The following ROBO2 variants were observed in gnomAD, a reference collection of about 807,000 sequenced individuals.
ROBO2 encodes roundabout guidance receptor 2.
A neutral mutation model predicts 160.8 loss-of-function variants in ROBO2; 53 were observed. The observed-to-expected ratio is 0.33, with a 90% CI of 0.26 to 0.41. The LOEUF is 0.41. Ranked by LOEUF, ROBO2 falls within the 10% of genes least tolerant of loss-of-function variation. The pLI is 1.00. For missense variants in ROBO2, 1,577 were observed against 1,722.4 expected, an observed-to-expected ratio of 0.92 and a Z score of 1.49; for synonymous variants, 664 against 611.7, an observed-to-expected ratio of 1.09 and a Z score of -1.26.
chr3:77,593,538 AT>A (rs2153686528), intron 17 of ROBO2, among the ~76,000 whole-genome samples: 1 of 152,324 alleles, frequency 6.6e-6, no homozygotes, highest in East Asian at 1.9e-4. Flanking sequence ...GATATTACAC[AT>A]AAAATTGATA....
At chr3:76,820,697 T>C (rs1576838932) in intron 2 of ROBO2, among the ~76,000 whole-genome samples, 1 of 151,730 alleles carries the variant, frequency 6.6e-6, no homozygotes, top group Non-Finnish European at 1.5e-5. Flanking sequence ...TTAAGTAGGG[T>C]TTTTTGAGGT....
chr3:76,271,328 A>G (rs1707419509), intron 2 of ROBO2, among the ~76,000 whole-genome samples: 1 of 151,918 alleles, frequency 6.6e-6, no homozygotes, highest in African/African-American at 2.4e-5. Flanking sequence ...AATTTTAACA[A>G]CTGTTCCTTG....
intron 2 of ROBO2, among the ~76,000 whole-genome samples, chr3:77,314,231 G>A (rs1347908797): frequency 6.6e-5 from 10 of 152,024 alleles, no homozygotes; most frequent in East Asian, 3.9e-4. Flanking sequence ...ACAAACATTC[G>A]GCAAGCACCA....
At chr3:76,931,404 C>T (rs2077331062) in intron 2 of ROBO2, among the ~76,000 whole-genome samples, 1 of 152,086 alleles carries the variant, frequency 6.6e-6, no homozygotes, top group South Asian at 2.1e-4. Flanking sequence ...ATTGGAGACA[C>T]ATTTTCTGTA....
At chr3:76,999,174 A>T (rs1251901406) in intron 2 of ROBO2, among the ~76,000 whole-genome samples, 1 of 151,896 alleles carries the variant, frequency 6.6e-6, no homozygotes. Context: ...TTAACTGTAA[A>T]ATGAGTAATG....
intron 2 of ROBO2, among the ~76,000 whole-genome samples, chr3:75,962,202 G>T (rs1218940804): frequency 1.3e-5 from 2 of 151,752 alleles, no homozygotes; most frequent in South Asian, 2.1e-4. Flanking sequence ...TCCATAGAAG[G>T]AAACGACTTT....
At chr3:75,925,686 T>C (rs1947266018) in intron 1 of ROBO2, among the ~76,000 whole-genome samples, 2 of 152,224 alleles carry the variant, frequency 1.3e-5, no homozygotes, top group African/African-American at 4.8e-5. Context: ...ATTCAATTTC[T>C]ACTCTTTATA....
At chr3:76,073,534 A>G (rs923156750) in intron 2 of ROBO2, among the ~76,000 whole-genome samples, 4 of 151,428 alleles carry the variant, frequency 2.6e-5, no homozygotes, top group South Asian at 4.2e-4. Context: ...CTCGTGATCC[A>G]CCCGCCTCAG....
chr3:76,372,089 GA>G (rs1161232388), intron 2 of ROBO2, among the ~76,000 whole-genome samples: 4 of 151,496 alleles, frequency 2.6e-5, no homozygotes, highest in Non-Finnish European at 5.9e-5. Context: ...ATTATAACAT[GA>G]AAAAAATACA....
rs536060894 is a variant in ROBO2, at chr3:76,080,668, TGTCA to T, written c.109+143070_109+143073del. Among the ~76,000 whole-genome samples the T allele has an allele frequency of 7.9e-5, 12 of 152,334 alleles. No individual in the cohort carries two copies. The South Asian group carries it at 1.9e-3, about 24-fold the overall frequency. ...TAAATGAAAGCATTTTAAAATTAGA[TGTCA>T]GTCTTTATTTTCATCATTTTCACTT... is the stretch of plus-strand genomic sequence containing the variant. On this transcript the variant is annotated intron_variant, in intron 2 of 26. Coordinates refer to the ROBO2 transcript ENST00000487694.
chr3:76,973,335 G>C (rs1328670684), intron 2 of ROBO2, among the ~76,000 whole-genome samples: 1 of 151,974 alleles, frequency 6.6e-6, no homozygotes, highest in Non-Finnish European at 1.5e-5. Context: ...TCTTACTTCA[G>C]GTTATTATAT....
chr3:76,592,195 C>G (rs2086456678), intron 2 of ROBO2, among the ~76,000 whole-genome samples: 1 of 151,976 alleles, frequency 6.6e-6, no homozygotes, highest in African/African-American at 2.4e-5. Flanking sequence ...ACGTGCTTTG[C>G]AAGATGGAAG....
chr3:75,978,776 C>T (rs540891124), intron 2 of ROBO2, among the ~76,000 whole-genome samples: 1 of 151,502 alleles, frequency 6.6e-6, no homozygotes, highest in South Asian at 2.1e-4. Context: ...TTATTTATAC[C>T]AGTAATCTCT....
At chr3:76,328,875 C>A (rs945931550) in intron 2 of ROBO2, among the ~76,000 whole-genome samples, 32 of 60,518 alleles carry the variant, frequency 5.3e-4, no homozygotes, top group African/African-American at 1.5e-3. Flanking sequence ...AACAAACAAA[C>A]AAAAACAAAT....
chr3:77,200,427 C>T (rs982504978), intron 2 of ROBO2, among the ~76,000 whole-genome samples: 13 of 149,802 alleles, frequency 8.7e-5, no homozygotes, highest in Admixed American at 7.3e-4. Context: ...TTTAGAGCCA[C>T]GAAGAAAAAC....
At chr3:75,943,989 C>T (rs1417143165) in intron 2 of ROBO2, among the ~76,000 whole-genome samples, 1 of 152,026 alleles carries the variant, frequency 6.6e-6, no homozygotes, top group Non-Finnish European at 1.5e-5. Context: ...GTGCGAGCCA[C>T]CAGGGCCAGG....
intron 2 of ROBO2, among the ~76,000 whole-genome samples, chr3:76,704,617 C>A (rs1436149209): frequency 6.6e-6 from 1 of 152,112 alleles, no homozygotes; most frequent in South Asian, 2.1e-4. Flanking sequence ...TACTTCCTTT[C>A]CATGCTTGGG....
intron 20 of ROBO2, among the ~76,000 whole-genome samples, chr3:77,604,733 T>TC (rs2094493447): frequency 6.6e-6 from 1 of 152,130 alleles, no homozygotes; most frequent in Admixed American, 6.6e-5. Context: ...TAGGTATCTT[T>TC]CCTAAGACTT....
At chr3:77,397,005 A>G (rs1017706035) in intron 2 of ROBO2, among the ~76,000 whole-genome samples, 4 of 152,166 alleles carry the variant, frequency 2.6e-5, no homozygotes, top group Admixed American at 6.6e-5. Context: ...TTCAGATTAC[A>G]AATACTTAAA....
Sources: gnomAD v4.1 joint callset for allele counts (sites outside exome capture counted in the v4.1 genomes callset) on GRCh38, gnomAD v4.1.1 for gene constraint, MANE v1.5 for transcripts, NCBI Gene and HGNC (gene_info 2026-07-23, HGNC 2026-07-21) for gene names.